The following KCNB2 variants were observed in gnomAD, a reference collection of about 807,000 sequenced individuals.
KCNB2 encodes delayed rectifier potassium channel protein.
A neutral mutation model predicts 61.5 loss-of-function variants in KCNB2; 15 were observed. That is an observed-to-expected ratio of 0.24 (90% CI 0.16 to 0.38). The LOEUF (loss-of-function observed/expected upper bound fraction) is 0.38. KCNB2 is among the 10% of genes least tolerant of loss of function. The pLI is 1.00. For missense variants in KCNB2, 828 were observed against 1,125.2 expected (o/e 0.74, Z 3.78); for synonymous variants, 457 against 446.0 (o/e 1.02, Z -0.31).
intron 2 of KCNB2, among the ~76,000 whole-genome samples, chr8:72,627,095 A>G (rs1017163362): frequency 2.6e-5 from 4 of 152,214 alleles, no homozygotes; most frequent in African/African-American, 9.6e-5. Flanking sequence ...CTAAAAGCTC[A>G]TGCCAAATTT....
At chr8:72,908,107 C>T (rs1336072621) in intron 2 of KCNB2, among the ~76,000 whole-genome samples, 3 of 151,880 alleles carry the variant, frequency 2.0e-5, no homozygotes, top group Non-Finnish European at 4.4e-5. Flanking sequence ...TTTTTTTTCA[C>T]CTTGCCTGAT....
At position 72,537,302 on chromosome 8, in the gene KCNB2, G is replaced by T. The variant is rs1360815889; in HGVS notation, c.-677G>T. 6.6e-6 allele frequency: 1 copy of T among 152,154 alleles called. No individual in the cohort carries two copies. Among genetic ancestry groups the T allele is most frequent in the Non-Finnish European group, 1.5e-5 (1 of 67,852 alleles). The allele number at this position is 152,154 out of a possible 1,614,324, so 9.4% of individuals were successfully genotyped here. A position where few individuals can be genotyped will look rare whatever the true frequency, so the allele number is the denominator to read the frequency against. ...CCCAGAGCGCCCCGCCTAGCCTCCCGCGCGCAGCCTCTACCCTGCTCCGCC... is the reference window on the plus strand; with the variant it reads ...CCCAGAGCGCCCCGCCTAGCCTCCCTCGCGCAGCCTCTACCCTGCTCCGCC... On this transcript the variant is annotated 5_prime_UTR_variant, in exon 1 of 3. Coordinates refer to ENST00000523207, the MANE Select transcript of KCNB2 (RefSeq NM_004770.3).
At chr8:72,585,220 C>T (rs1806985305) in intron 2 of KCNB2, among the ~76,000 whole-genome samples, 1 of 152,168 alleles carries the variant, frequency 6.6e-6, no homozygotes, top group South Asian at 2.1e-4. Context: ...AGACTATAGA[C>T]AAGAGATGCA....
chr8:72,900,441 G>T (rs1305097400), intron 2 of KCNB2, among the ~76,000 whole-genome samples: 3 of 152,092 alleles, frequency 2.0e-5, no homozygotes, highest in East Asian at 1.9e-4. Context: ...CCTTGGCAAA[G>T]AATTTTTGGC....
chr8:72,592,838 G>C (rs1585771904), intron 2 of KCNB2, among the ~76,000 whole-genome samples: 2 of 152,054 alleles, frequency 1.3e-5, no homozygotes, highest in African/African-American at 4.8e-5. Context: ...TGTTATAGCA[G>C]CATAACCTAA....
chr8:72,834,728 C>T (rs1449031632), intron 2 of KCNB2, among the ~76,000 whole-genome samples: 4 of 152,104 alleles, frequency 2.6e-5, no homozygotes, highest in Non-Finnish European at 5.9e-5. Flanking sequence ...CCTGGGCATA[C>T]CTTTCTGTAA....
At chr8:72,599,976 C>T (rs960286143) in intron 2 of KCNB2, among the ~76,000 whole-genome samples, 5 of 152,146 alleles carry the variant, frequency 3.3e-5, no homozygotes, top group Non-Finnish European at 5.9e-5. Context: ...GAAATAGGAA[C>T]ACTTTTACAC....
At chr8:72,886,930 G>A (rs535587724) in intron 2 of KCNB2, among the ~76,000 whole-genome samples, 4 of 152,302 alleles carry the variant, frequency 2.6e-5, no homozygotes, top group South Asian at 2.1e-4. Context: ...TCAAGGGATG[G>A]CACATGTTCC....
intron 2 of KCNB2, among the ~76,000 whole-genome samples, chr8:72,870,003 C>A (rs1200920079): frequency 6.6e-6 from 1 of 152,124 alleles, no homozygotes; most frequent in Non-Finnish European, 1.5e-5. Flanking sequence ...TGGAATATTA[C>A]CAGCCTTAAA....
intron 2 of KCNB2, among the ~76,000 whole-genome samples, chr8:72,689,170 G>C (rs572846902): frequency 6.6e-6 from 1 of 152,292 alleles, no homozygotes; most frequent in South Asian, 2.1e-4. Flanking sequence ...TATTTCATTT[G>C]TGTAATTGTT....
intron 1 of KCNB2, among the ~76,000 whole-genome samples, chr8:72,551,277 TA>T (rs1428877782): frequency 6.6e-6 from 1 of 152,166 alleles, no homozygotes. Flanking sequence ...CTCATTTACC[TA>T]AAACCCTTAA....
chr8:72,892,868 T>C (rs921325010), intron 2 of KCNB2, among the ~76,000 whole-genome samples: 3 of 152,188 alleles, frequency 2.0e-5, no homozygotes, highest in African/African-American at 7.2e-5. Context: ...TTCAAATAAG[T>C]ATGCAAAATT....
intron 2 of KCNB2, among the ~76,000 whole-genome samples, chr8:72,639,067 G>A (rs931554971): frequency 2.6e-5 from 4 of 152,068 alleles, no homozygotes; most frequent in Non-Finnish European, 5.9e-5. Flanking sequence ...GTGATGGCAT[G>A]GGCTGATAAT....
chr8:72,840,313 A>G (rs1233621416), intron 2 of KCNB2, among the ~76,000 whole-genome samples: 1 of 152,138 alleles, frequency 6.6e-6, no homozygotes, highest in African/African-American at 2.4e-5. Flanking sequence ...TCTATCATTG[A>G]TAGGTATTTG....
At chr8:72,921,744 G>A (rs1316664892) in intron 2 of KCNB2, among the ~76,000 whole-genome samples, 3 of 152,110 alleles carry the variant, frequency 2.0e-5, no homozygotes, top group East Asian at 1.9e-4. Context: ...CCTGGGCTGC[G>A]GTTTAGAATG....
intron 2 of KCNB2, among the ~76,000 whole-genome samples, chr8:72,929,841 G>A (rs1231487034): frequency 1.3e-5 from 2 of 151,622 alleles, no homozygotes; most frequent in African/African-American, 4.8e-5. Flanking sequence ...GGGTACAGGT[G>A]CACAAAGTGC....
intron 2 of KCNB2, among the ~76,000 whole-genome samples, chr8:72,696,916 A>G (rs1339811596): frequency 6.6e-6 from 1 of 152,188 alleles, no homozygotes. Context: ...GTTGTTTTTC[A>G]AGATCACTTC....
At chr8:72,803,042 C>T (rs1056034540) in intron 2 of KCNB2, among the ~76,000 whole-genome samples, 10 of 152,238 alleles carry the variant, frequency 6.6e-5, no homozygotes, top group African/African-American at 2.4e-4. Context: ...AAAATGATCG[C>T]CACCATGAGA....
chr8:72,561,927 C>G (rs889517853), intron 1 of KCNB2, among the ~76,000 whole-genome samples: 1 of 150,842 alleles, frequency 6.6e-6, no homozygotes, highest in African/African-American at 2.4e-5. Flanking sequence ...CTTCAGCTAA[C>G]AGTTACAATG....
Sources: allele counts gnomAD v4.1 joint callset (sites outside exome capture counted in the v4.1 genomes callset), GRCh38; gene constraint gnomAD v4.1.1; transcripts MANE v1.5; gene names NCBI Gene and HGNC (gene_info 2026-07-23, HGNC 2026-07-21).